COL5A3: variants seen among roughly 807,000 people sequenced by gnomAD.
COL5A3 encodes the protein collagen type V alpha 3 chain.
A neutral mutation model predicts 250.0 loss-of-function variants in COL5A3; 172 were observed. The observed-to-expected ratio is 0.69, with a 90% CI of 0.61 to 0.78. COL5A3 has a LOEUF of 0.78. Ranked by LOEUF, COL5A3 falls within the 30% of genes least tolerant of loss-of-function variation. The pLI is 0.00. For missense variants in COL5A3, 2,340 were observed against 2,334.4 expected (o/e 1.00, Z -0.05); for synonymous variants, 937 against 900.4 (o/e 1.04, Z -0.73).
Position 9,974,244 on chromosome 19 carries a change from G to A in COL5A3, c.3451-20C>T. 1 of 1,613,608 alleles carries A rather than the reference G, an allele frequency of 6.2e-7. No individual in the cohort carries two copies. Reference sequence around the variant, plus strand: ...CAGCCCCTGTGGAACAAAGAAGCAAGATTGGGGCACCAGGTAGGGAGAATC... The same window carrying A: ...CAGCCCCTGTGGAACAAAGAAGCAAAATTGGGGCACCAGGTAGGGAGAATC... On this transcript the variant is annotated intron_variant, in intron 46 of 66. Coordinates refer to ENST00000264828, the MANE Select transcript of COL5A3 (RefSeq NM_015719.4).
intron 31 of COL5A3, among the ~76,000 whole-genome samples, chr19:9,982,575 T>C (rs754937451): frequency 5.3e-5 from 8 of 152,178 alleles, no homozygotes; most frequent in Non-Finnish European, 8.8e-5. Context: ...GTGACATAGC[T>C]CATTGGTCTT....
In COL5A3 at chr19:10,005,610, A is replaced by G. The variant is rs150975321; in HGVS notation, c.542T>C (p.Ile181Thr). The G allele has an allele frequency of 8.1e-6, 13 of 1,614,070 alleles. No individual in the cohort carries two copies. The African/African-American group carries it at 1.2e-4, about 15-fold the overall frequency. ...VLGHGPRFIS[I>T]AGLTVLGTQD... The stretch of plus-strand genomic sequence containing the variant: ...GGTCCCCAGCACAGTGAGTCCAGCT[A>G]TGCTGATGAAGCGGGGGCCATGGCC... Residue 181 changes from isoleucine (I) to threonine (T), a missense_variant, in exon 4 of 67, where the codon ATA becomes ACA. Transcript: ENST00000264828.
intron 31 of COL5A3, among the ~76,000 whole-genome samples, chr19:9,983,452 C>T (rs545158533): frequency 4.1e-4 from 62 of 151,196 alleles, no homozygotes; most frequent in Non-Finnish European, 8.2e-4. Context: ...AAGCTATGAT[C>T]GCACTATTGC....
At chr19:9,997,264 A>G in intron 11 of COL5A3, 107 bp downstream of exon 11, 2 of 824,882 alleles carry the variant, frequency 2.4e-6, no homozygotes, top group South Asian at 2.9e-5. Flanking sequence ...CAGCCCCGGG[A>G]TGGTGTTCCC....
Position 9,971,037 on chromosome 19 carries a change from G to A in COL5A3, c.3829-9C>T, listed in dbSNP as rs749481773. 8 of 1,514,184 alleles carry A rather than the reference G, an allele frequency of 5.3e-6. No homozygotes were observed. The highest frequency in any genetic ancestry group is 7.0e-6 in the Non-Finnish European group (8 of 1,136,104). The allele number at this position is 1,514,184 out of a possible 1,614,324, so 93.8% of individuals were successfully genotyped here. Reference sequence around the variant, plus strand: ...GGGGAACCATCTATGCCCTGCATGGGGGGAAGACAGAGTTGGGAGGGGTGA... The same window carrying A: ...GGGGAACCATCTATGCCCTGCATGGAGGGAAGACAGAGTTGGGAGGGGTGA... On this transcript the variant is annotated splice_polypyrimidine_tract_variant and intron_variant, in intron 52 of 66. Transcript: ENST00000264828.
intron 10 of COL5A3, among the ~76,000 whole-genome samples, 200 bp downstream of exon 10, chr19:9,997,784 T>C (rs1265903194): frequency 6.6e-6 from 1 of 152,076 alleles, no homozygotes; most frequent in Non-Finnish European, 1.5e-5. Flanking sequence ...ATGGCTATTT[T>C]TAAAGAGATG....
At chr19:9,986,017 A>G (rs1158956882) in intron 30 of COL5A3, 122 bp from the exon 31 acceptor site, 3 of 850,160 alleles carry the variant, frequency 3.5e-6, no homozygotes, top group Admixed American at 1.9e-5. Flanking sequence ...AACGAGGTTC[A>G]AGTCCTTGCT....
In COL5A3 at chr19:10,010,424, G is replaced by GGCGGCTGCGGGGC. The variant is rs1229344091; in HGVS notation, c.-52_-40dup. ...ACGGGCAAGGCGGGGAACCAGTCGG[G>GGCGGCTGCGGGGC]GCGGCTGCGGGGCGCGGCGACTTCT... is the stretch of plus-strand genomic sequence containing the variant. On this transcript the variant is annotated 5_prime_UTR_variant, in exon 1 of 67. Transcript: ENST00000264828. 2.3e-6 allele frequency: 3 copies of GGCGGCTGCGGGGC among 1,293,662 alleles called. No homozygotes were observed. In the African/African-American group the frequency reaches 4.7e-5, roughly 20 times the overall value. The allele number at this position is 1,293,662 out of a possible 1,614,324, so 80.1% of individuals were successfully genotyped here. A position where few individuals can be genotyped will look rare whatever the true frequency, so the allele number is the denominator to read the frequency against.
In COL5A3 at chr19:9,968,508, G is replaced by A. The variant is rs745941197; in HGVS notation, c.4207-16C>T. ...CAATGTGGCCCTGAAGGACAAAAGA[G>A]GCACAGACAGGGGAGGACGTGGGAG... On this transcript the variant is annotated splice_polypyrimidine_tract_variant and intron_variant, in intron 58 of 66. Coordinates refer to ENST00000264828, the MANE Select transcript of COL5A3 (RefSeq NM_015719.4). This position sits in a 1 kb window ranked among gnomAD's most constrained non-coding sequence, Gnocchi z 4.1. 4.4e-6 allele frequency: 7 copies of A among 1,581,960 alleles called. No homozygotes were observed. The South Asian group carries it at 4.6e-5, about 10-fold the overall frequency.
At chr19:9,969,440 G>A (rs543869030) in intron 56 of COL5A3, 38 bp from the exon 57 acceptor site, 1 of 1,600,494 alleles carries the variant, frequency 6.2e-7, no homozygotes, top group African/African-American at 1.3e-5. Flanking sequence ...GCTGCACCCT[G>A]TCAGAACACA....
rs759815827 is a variant in COL5A3, at chr19:9,969,650, C to T, written c.4023G>A (p.Arg1341=). 12 of 1,589,134 alleles carry T rather than the reference C, an allele frequency of 7.6e-6. No homozygotes were observed. The South Asian group carries it at 1.4e-4, about 18-fold the overall frequency. The change falls in exon 56 of 67, where the codon AGG becomes AGA. Residue 1341 remains arginine (R), a synonymous_variant. Transcript: ENST00000264828. ...GEPGPDGPPG[R]TGPMGARGPP... Reference sequence around the variant, plus strand: ...GCCCTCTAGCCCCCATTGGACCCGTCCTCCCTGGGGGCCCATCAGGACCTG... The same window carrying T: ...GCCCTCTAGCCCCCATTGGACCCGTTCTCCCTGGGGGCCCATCAGGACCTG...
chr19:9,981,867 T>C (rs2087016066), intron 32 of COL5A3, among the ~76,000 whole-genome samples, 198 bp downstream of exon 32: 1 of 152,256 alleles, frequency 6.6e-6, no homozygotes. Context: ...CATATACATG[T>C]GCTTACAGTC....
At position 10,010,285 on chromosome 19, in the gene COL5A3, C is replaced by G. The variant is rs535820483; in HGVS notation, c.88+13G>C. The G allele has an allele frequency of 1.2e-4, 171 of 1,431,528 alleles. No homozygotes were observed. The African/African-American group carries it at 2.3e-3, about 19-fold the overall frequency. The allele number at this position is 1,431,528 out of a possible 1,614,324, so 88.7% of individuals were successfully genotyped here. A position where few individuals can be genotyped will look rare whatever the true frequency, so the allele number is the denominator to read the frequency against. ...CGTGGACCCTGGGTCCCATCTCTTC[C>G]CTCCCGGCTCACCGGCCTGCGTCCC... On this transcript the variant is annotated intron_variant, in intron 1 of 66. Coordinates refer to ENST00000264828, the MANE Select transcript of COL5A3 (RefSeq NM_015719.4).
At chr19:9,993,860 A>C in intron 16 of COL5A3, 54 bp from the exon 17 acceptor site, 1 of 1,498,320 alleles carries the variant, frequency 6.7e-7, no homozygotes, top group Admixed American at 2.0e-5. Flanking sequence ...GTACCCCTCC[A>C]CCAAATTAGG....
At chr19:10,006,311 C>A in intron 1 of COL5A3, 80 bp from the exon 2 acceptor site, 1 of 1,378,960 alleles carries the variant, frequency 7.3e-7, no homozygotes. Flanking sequence ...GATAGAGGCT[C>A]AGGGTTTTTT....
rs1265053745 is a variant in COL5A3 at position 9,968,291 on chromosome 19, A to G, written c.4314+94T>C. The G allele has an allele frequency of 4.3e-6, 5 of 1,154,488 alleles. No individual in the cohort carries two copies. The highest frequency in any genetic ancestry group is 2.5e-6 in the Non-Finnish European group (2 of 791,276). The allele number at this position is 1,154,488 out of a possible 1,614,324, so 71.5% of individuals were successfully genotyped here. On this transcript the variant is annotated intron_variant, in intron 59 of 66. Transcript: ENST00000264828. The surrounding 1 kb of genome is among the most constrained non-coding windows in gnomAD (Gnocchi z 4.1). ...ATTTTCCCCACACACACCCTCATTA[A>G]TCCAGACCCACGTTTCCCAGACCCC...
At chr19:9,961,700 G>C (rs954247928) in intron 65 of COL5A3, among the ~76,000 whole-genome samples, 7 of 151,372 alleles carry the variant, frequency 4.6e-5, no homozygotes, top group Non-Finnish European at 7.4e-5. Flanking sequence ...CTGGGACTAC[G>C]GGCGCCTGCC....
At chr19:9,963,895 G>A (rs12985711) in intron 64 of COL5A3, among the ~76,000 whole-genome samples, 25,975 of 152,010 alleles carry the variant, frequency 0.17, 2,366 homozygotes, top group South Asian at 0.28. Flanking sequence ...GGGGCCAGGC[G>A]CGGTGGCTCA....
chr19:9,989,518 G>C lies in COL5A3; in HGVS notation c.1997C>G (p.Pro666Arg), dbSNP rs2087156647. 1 of 1,611,928 alleles carries C rather than the reference G, an allele frequency of 6.2e-7. No homozygotes were observed. The highest frequency in any genetic ancestry group is 8.5e-7 in the Non-Finnish European group (1 of 1,178,892). Reference sequence around the variant, plus strand: ...GCCTGGAATTCCTGGGTTTCCAGGGGGACCCTGAAAGAAGATGAACAGCAG... The same window carrying C: ...GCCTGGAATTCCTGGGTTTCCAGGGCGACCCTGAAAGAAGATGAACAGCAG... ...GLIGTPGEKG[P>R]PGNPGIPGLP... Residue 666 changes from proline (P) to arginine (R), a missense_variant, in exon 25 of 67, where the codon CCC (proline) becomes CGC (arginine). Pro to Arg is a moderately radical substitution (Grantham distance 103). This residue lies in a region of COL5A3 where 1,152 missense variants were observed against 1,146.3 expected (regional missense o/e 1.00). Coordinates refer to ENST00000264828, the MANE Select transcript of COL5A3 (RefSeq NM_015719.4).
Sources: gnomAD v4.1 joint callset for allele counts (sites outside exome capture counted in the v4.1 genomes callset) on GRCh38, gnomAD v4.1.1 for gene constraint, gnomAD v4.1.1 regional missense constraint, Gnocchi (gnomAD v3.1) non-coding constraint, MANE v1.5 for transcripts, NCBI Gene and HGNC (gene_info 2026-07-23, HGNC 2026-07-21) for gene names.